KCNJ4: variants seen among roughly 807,000 people sequenced by gnomAD.
KCNJ4 encodes the protein potassium inwardly rectifying channel subfamily J member 4, also known as inward rectifier potassium channel 4.
In KCNJ4, 3 loss-of-function variants were observed where a neutral mutation model predicts 25.6. The ratio of observed to expected loss-of-function variants is 0.12; its 90% CI spans 0.05 to 0.30. The LOEUF (loss-of-function observed/expected upper bound fraction) is 0.30, where lower values mean the gene tolerates loss of function less well. Ranked by LOEUF, KCNJ4 falls within the 10% of genes least tolerant of loss-of-function variation. The pLI is 1.00. For synonymous variants in KCNJ4, 257 were observed against 283.9 expected, an observed-to-expected ratio of 0.91 and a Z score of 0.95; for missense variants, 286 against 666.8, an observed-to-expected ratio of 0.43 and a Z score of 6.29.
At chr22:38,448,398 G>A (rs2089390140) in intron 1 of KCNJ4, among the ~76,000 whole-genome samples, 3 of 152,278 alleles carry the variant, frequency 2.0e-5, no homozygotes, top group Admixed American at 2.0e-4. Context: ...GCAAAGAGAG[G>A]CCCCCAGATG....
At chr22:38,442,559 A>AAAAC in intron 1 of KCNJ4, among the ~76,000 whole-genome samples, 1 of 151,152 alleles carries the variant, frequency 6.6e-6, no homozygotes, top group South Asian at 2.1e-4. Flanking sequence ...AAAAAAAAAA[A>AAAAC]AAAGGACTGT....
chr22:38,445,064 C>A lies in KCNJ4; in HGVS notation c.-40+9916G>T, dbSNP rs147593647. 2.1e-3 allele frequency among the ~76,000 whole-genome samples: 321 copies of A among 150,622 alleles called. 2 individuals carry two copies. The highest frequency in any genetic ancestry group is 7.8e-3 in the African/African-American group (315 of 40,200). The stretch of plus-strand genomic sequence containing the variant: ...CCGTGCACGCATGTGTGCGTGCATG[C>A]GTGTGTGTGCGTGTGTGTGTGTGAA... On this transcript the variant is annotated intron_variant, in intron 1 of 1. Coordinates refer to ENST00000303592, the MANE Select transcript of KCNJ4 (RefSeq NM_152868.3).
intron 1 of KCNJ4, among the ~76,000 whole-genome samples, chr22:38,444,114 C>T (rs2089356829): frequency 6.6e-6 from 1 of 152,160 alleles, no homozygotes; most frequent in South Asian, 2.1e-4. Flanking sequence ...CGAGGCCCTC[C>T]CTCCCATCCA....
chr22:38,426,854 G>A lies in KCNJ4; in HGVS notation c.1279C>T (p.Arg427Cys), dbSNP rs1213024759. The change falls in exon 2 of 2, where the codon CGC (arginine) becomes TGC (cysteine). Residue 427 changes from arginine to cysteine, a missense_variant. Physicochemically the swap from Arg to Cys is radical, Grantham distance 180. Transcript: ENST00000303592. Reference sequence around the variant, plus strand: ...TCCAGCGGGAGGGAAGCCTGCATGCGCTCCAGGTCCAGGTGGCTGCCGAAC... The same window carrying A: ...TCCAGCGGGAGGGAAGCCTGCATGCACTCCAGGTCCAGGTGGCTGCCGAAC... ...LEFGSHLDLE[R>C]MQASLPLDNI... 3.7e-6 allele frequency: 6 copies of A among 1,613,470 alleles called. No homozygotes were observed. The highest frequency in any genetic ancestry group is 4.5e-5 in the East Asian group (2 of 44,856).
intron 1 of KCNJ4, among the ~76,000 whole-genome samples, chr22:38,448,241 C>T (rs2089388906): frequency 2.1e-5 from 3 of 145,654 alleles, no homozygotes; most frequent in South Asian, 4.4e-4. Flanking sequence ...AGCGAAACTC[C>T]GTCTTAAAAA....
chr22:38,454,165 G>A (rs1240510010), intron 1 of KCNJ4, among the ~76,000 whole-genome samples: 1 of 152,066 alleles, frequency 6.6e-6, no homozygotes, highest in Non-Finnish European at 1.5e-5. Context: ...TACTGCTCTT[G>A]AGGCCCTGCT....
chr22:38,439,451 A>C (rs769701401), intron 1 of KCNJ4, among the ~76,000 whole-genome samples: 1 of 150,878 alleles, frequency 6.6e-6, no homozygotes, highest in Non-Finnish European at 1.5e-5. Flanking sequence ...AAATAAAATA[A>C]AGCCTTGTGC....
chr22:38,428,632 T>C (rs1373765403), intron 1 of KCNJ4, among the ~76,000 whole-genome samples: 2 of 152,094 alleles, frequency 1.3e-5, no homozygotes, highest in Non-Finnish European at 2.9e-5. Context: ...TCCTGTGCAC[T>C]AGCCACTGGC....
In KCNJ4 at chr22:38,426,870, G is replaced by A; in HGVS notation, c.1263C>T (p.Ser421=). 1.2e-6 allele frequency: 2 copies of A among 1,613,414 alleles called. No individual in the cohort carries two copies. Among genetic ancestry groups the A allele is most frequent in the Non-Finnish European group, 1.7e-6 (2 of 1,179,974 alleles). ...CCTGCATGCGCTCCAGGTCCAGGTG[G>A]CTGCCGAACTCCAGCATCCGGATGA... The part of the protein sequence containing the change: ...AGIIRMLEFG[S]HLDLERMQAS... The change falls in exon 2 of 2, where the codon AGC becomes AGT. Residue 421 remains serine, a synonymous_variant. Coordinates refer to ENST00000303592, the MANE Select transcript of KCNJ4 (RefSeq NM_152868.3).
chr22:38,440,280 G>A (rs920268018), intron 1 of KCNJ4, among the ~76,000 whole-genome samples: 13 of 152,106 alleles, frequency 8.5e-5, no homozygotes, highest in African/African-American at 2.9e-4. Context: ...GGTGGCTCAC[G>A]CCTGTAATCC....
At chr22:38,450,495 A>G (rs796887290) in intron 1 of KCNJ4, among the ~76,000 whole-genome samples, 9 of 152,046 alleles carry the variant, frequency 5.9e-5, no homozygotes, top group African/African-American at 2.2e-4. Context: ...CACATGTGCC[A>G]TTTCCCTTCT....
chr22:38,448,219 C>T (rs1163648262), intron 1 of KCNJ4, among the ~76,000 whole-genome samples: 1 of 150,054 alleles, frequency 6.7e-6, no homozygotes, highest in East Asian at 2.0e-4. Context: ...GCATTCCAGC[C>T]TGGGTGACAA....
intron 1 of KCNJ4, 98 bp from the exon 2 acceptor site, chr22:38,428,269 C>G: frequency 8.6e-7 from 1 of 1,161,402 alleles, no homozygotes; most frequent in Non-Finnish European, 1.2e-6. Flanking sequence ...GCAGGTGAGC[C>G]TGGACCAGGA....
intron 1 of KCNJ4, among the ~76,000 whole-genome samples, chr22:38,435,735 G>A (rs1211292677): frequency 2.0e-5 from 3 of 151,868 alleles, no homozygotes. Context: ...TAACACCACT[G>A]TCCCATTTCC....
intron 1 of KCNJ4, among the ~76,000 whole-genome samples, chr22:38,444,317 G>T (rs1662335216): frequency 6.6e-6 from 1 of 152,178 alleles, no homozygotes; most frequent in South Asian, 2.1e-4. Context: ...GGTCTAACTG[G>T]GTCATGTGAC....
intron 1 of KCNJ4, among the ~76,000 whole-genome samples, chr22:38,448,351 C>T (rs948595781): frequency 4.6e-5 from 7 of 152,088 alleles, no homozygotes; most frequent in African/African-American, 1.7e-4. Flanking sequence ...TGAGCACGCC[C>T]CACCATCCCC....
At chr22:38,431,674 T>C (rs1470778217) in intron 1 of KCNJ4, among the ~76,000 whole-genome samples, 1 of 152,194 alleles carries the variant, frequency 6.6e-6, no homozygotes, top group Non-Finnish European at 1.5e-5. Flanking sequence ...AAACCCTTGG[T>C]CTGCAGTGAC....
chr22:38,432,276 T>C (rs2093052157), intron 1 of KCNJ4, among the ~76,000 whole-genome samples: 1 of 144,274 alleles, frequency 6.9e-6, no homozygotes, highest in Admixed American at 6.8e-5. Flanking sequence ...AATAAATAAA[T>C]AAATAAATAA....
intron 1 of KCNJ4, among the ~76,000 whole-genome samples, chr22:38,450,953 T>G (rs2089407085): frequency 6.6e-6 from 1 of 152,084 alleles, no homozygotes; most frequent in Non-Finnish European, 1.5e-5. Flanking sequence ...CAGACTAGTC[T>G]GAACTCACAC....
Sources: allele counts gnomAD v4.1 joint callset (sites outside exome capture counted in the v4.1 genomes callset), GRCh38; gene constraint gnomAD v4.1.1; transcripts MANE v1.5; gene names NCBI Gene and HGNC (gene_info 2026-07-23, HGNC 2026-07-21).